Variants in ABCB1 observed in about 807,000 individuals in gnomAD.
ABCB1 encodes ATP-dependent translocase ABCB1.
A neutral mutation model predicts 142.0 loss-of-function variants in ABCB1; 69 were observed. The ratio of observed to expected loss-of-function variants is 0.49; its 90% CI spans 0.40 to 0.59. The LOEUF is 0.59. Ranked by LOEUF, ABCB1 falls within the 20% of genes least tolerant of loss-of-function variation. The pLI is 0.00. For synonymous variants in ABCB1, 532 were observed against 539.2 expected (o/e 0.99, Z 0.18); for missense variants, 1,326 against 1,554.7 (o/e 0.85, Z 2.47).
intron 1 of ABCB1, among the ~76,000 whole-genome samples, chr7:87,668,272 G>A (rs996204396): frequency 1.3e-5 from 2 of 151,980 alleles, no homozygotes; most frequent in Non-Finnish European, 2.9e-5. Flanking sequence ...GTTTGTGTAT[G>A]TAGAGGTGTT....
At chr7:87,601,827 A>C (rs1819467377), upstream of ABCB1, among the ~76,000 whole-genome samples, 1 of 152,250 alleles carries the variant, frequency 6.6e-6, no homozygotes, top group Admixed American at 6.5e-5. Flanking sequence ...GTTTAGAAGA[A>C]GAAAATCACT....
At chr7:87,581,226 G>C (rs1818493539) in intron 4 of ABCB1, among the ~76,000 whole-genome samples, 1 of 151,888 alleles carries the variant, frequency 6.6e-6, no homozygotes, top group African/African-American at 2.4e-5. Context: ...CCAATAGCTG[G>C]GACTGCAGGC....
At chr7:87,628,406 C>T (rs1026407695) in intron 1 of ABCB1, 11 of 158,832 alleles carry the variant, frequency 6.9e-5, no homozygotes, top group African/African-American at 2.4e-4. Context: ...TTGCCGCTGC[C>T]TCCCGGGCTG....
chr7:87,585,961 G>A (rs995873000), intron 3 of ABCB1, among the ~76,000 whole-genome samples: 3 of 152,138 alleles, frequency 2.0e-5, no homozygotes, highest in Non-Finnish European at 4.4e-5. Flanking sequence ...CTGGGAAACT[G>A]TAAAAGTATT....
intron 6 of ABCB1, 111 bp downstream of exon 6, chr7:87,566,674 T>A (rs1437283891): frequency 2.4e-5 from 27 of 1,125,860 alleles, no homozygotes; most frequent in Non-Finnish European, 3.0e-5. Flanking sequence ...TTTTGTCTCA[T>A]AAGTACCTTT....
In ABCB1 at chr7:87,539,396, A is replaced by T. The variant is rs1177210906; in HGVS notation, c.2320-51T>A. The T allele has an allele frequency of 4.5e-6, 7 of 1,548,668 alleles. No homozygotes were observed. The East Asian group carries it at 1.1e-4, about 25-fold the overall frequency. On this transcript the variant is annotated intron_variant, in intron 18 of 27. Coordinates refer to ENST00000622132, the MANE Select transcript of ABCB1 (RefSeq NM_001348946.2). The stretch of plus-strand genomic sequence containing the variant: ...GGGACCCAGCCACCATTTAAATAAA[A>T]GGAGGGAGAATTGATGTCTTTGCTA...
At chr7:87,557,069 C>T (rs538425536) in intron 8 of ABCB1, among the ~76,000 whole-genome samples, 33 of 152,240 alleles carry the variant, frequency 2.2e-4, no homozygotes, top group African/African-American at 7.2e-4. Context: ...CCCCAACCAC[C>T]GTATTTAAAG....
intron 1 of ABCB1, among the ~76,000 whole-genome samples, chr7:87,651,383 C>A (rs887882124): frequency 3.3e-5 from 5 of 151,996 alleles, no homozygotes; most frequent in Admixed American, 2.0e-4. Flanking sequence ...CTTTGATTTT[C>A]TTAAATCAAA....
chr7:87,574,415 G>T (rs1818189769), intron 4 of ABCB1, among the ~76,000 whole-genome samples: 1 of 152,056 alleles, frequency 6.6e-6, no homozygotes, highest in South Asian at 2.1e-4. Context: ...ACTGAAGAGG[G>T]ACTCAAAATA....
intron 14 of ABCB1, among the ~76,000 whole-genome samples, chr7:87,548,468 A>G (rs548437857): frequency 1.2e-3 from 179 of 152,320 alleles, no homozygotes; most frequent in Non-Finnish European, 1.8e-3. Flanking sequence ...ATCGGCCTCT[A>G]TTTTGGTTCA....
intron 4 of ABCB1, among the ~76,000 whole-genome samples, chr7:87,584,063 A>G (rs1381301068): frequency 3.9e-5 from 6 of 152,212 alleles, no homozygotes; most frequent in African/African-American, 1.4e-4. Flanking sequence ...ATCTTTCTGC[A>G]GGTCCCTTTG....
chr7:87,514,188 C>CT (rs1462569165), intron 25 of ABCB1, among the ~76,000 whole-genome samples: 3 of 152,150 alleles, frequency 2.0e-5, no homozygotes, highest in African/African-American at 7.2e-5. Flanking sequence ...TAAATGCTAC[C>CT]AGCGTCCATA....
At chr7:87,561,929 T>C (rs1817577021) in intron 7 of ABCB1, among the ~76,000 whole-genome samples, 1 of 152,126 alleles carries the variant, frequency 6.6e-6, no homozygotes, top group Non-Finnish European at 1.5e-5. Flanking sequence ...GAGGCTGCCG[T>C]GAGCAGTGGT....
intron 3 of ABCB1, among the ~76,000 whole-genome samples, chr7:87,589,916 G>A (rs1181338126): frequency 1.3e-5 from 2 of 151,666 alleles, no homozygotes; most frequent in Non-Finnish European, 2.9e-5. Context: ...GAGAGAGAAG[G>A]TGAACCAGAA....
At position 87,549,916 on chromosome 7, in the gene ABCB1, T is replaced by C. The variant is rs553667487; in HGVS notation, c.1489A>G (p.Met497Val). Residue 497 changes from methionine to valine, a missense_variant, in exon 13 of 28, where the codon ATG becomes GTG. Transcript: ENST00000622132. ...TTGACAGCTTTCTCAATCTCATCCA[T>C]GGTGACATTTTCACGGCCATAGCGA... ...NIRYGRENVT[M>V]DEIEKAVKEA... is the part of the protein sequence containing the mutation. 1.2e-6 allele frequency: 2 copies of C among 1,614,216 alleles called. No individual in the cohort carries two copies. Among genetic ancestry groups the C allele is most frequent in the African/African-American group, 1.3e-5 (1 of 75,046 alleles).
chr7:87,656,082 C>G (rs1234373169), intron 1 of ABCB1, among the ~76,000 whole-genome samples: 1 of 151,942 alleles, frequency 6.6e-6, no homozygotes, highest in African/African-American at 2.4e-5. Context: ...AAATAAATTT[C>G]AGTTATCTAT....
intron 1 of ABCB1, among the ~76,000 whole-genome samples, chr7:87,607,070 G>A (rs113060994): frequency 6.6e-5 from 10 of 152,268 alleles, no homozygotes; most frequent in African/African-American, 2.4e-4. Context: ...GAAGAAGAGA[G>A]AAAGAGGTAG....
intron 1 of ABCB1, among the ~76,000 whole-genome samples, chr7:87,614,021 T>G (rs903952460): frequency 2.0e-5 from 3 of 152,182 alleles, no homozygotes; most frequent in Non-Finnish European, 2.9e-5. Context: ...ATATTTAATA[T>G]CCTCTATTTT....
chr7:87,614,412 G>C (rs537720934), intron 1 of ABCB1, among the ~76,000 whole-genome samples: 71 of 151,050 alleles, frequency 4.7e-4, no homozygotes, highest in Non-Finnish European at 9.0e-4. Context: ...AAGAAAAAGG[G>C]AAAGAAAGAA....
Sources: allele counts gnomAD v4.1 joint callset (sites outside exome capture counted in the v4.1 genomes callset), GRCh38; gene constraint gnomAD v4.1.1; transcripts MANE v1.5; gene names NCBI Gene and HGNC (gene_info 2026-07-23, HGNC 2026-07-21).